Variants in CELF2 observed in about 807,000 individuals in gnomAD.
CELF2 encodes the protein CUG triplet repeat RNA-binding protein 2.
CELF2 carries 8 observed loss-of-function variants against 62.6 expected under a neutral mutation model. The observed-to-expected ratio is 0.13, with a 90% CI of 0.07 to 0.23. The LOEUF (loss-of-function observed/expected upper bound fraction) is 0.23. Among genes scored for constraint, CELF2 ranks in the 10% least tolerant of loss-of-function variants. The pLI is 1.00. For synonymous variants in CELF2, 258 were observed against 250.0 expected (o/e 1.03, Z -0.30); for missense variants, 333 against 671.0 (o/e 0.50, Z 5.56).
chr10:10,733,770 C>T, the CELF2 span, among the ~76,000 whole-genome samples: 3 of 152,084 alleles, frequency 2.0e-5, no homozygotes, highest in African/African-American at 7.2e-5. Context: ...GGGAACCACC[C>T]CCACAATTCA....
At chr10:10,856,789 G>A (rs956282793) in intron 1 of CELF2, among the ~76,000 whole-genome samples, 1 of 152,050 alleles carries the variant, frequency 6.6e-6, no homozygotes. Context: ...ATTCCCATTG[G>A]CTTTATAACA....
the CELF2 span, among the ~76,000 whole-genome samples, chr10:10,721,095 T>C: frequency 6.6e-6 from 1 of 152,264 alleles, no homozygotes. Context: ...GCTCAGAGAC[T>C]ATAAACATTT....
intron 2 of CELF2, among the ~76,000 whole-genome samples, chr10:10,958,149 G>T (rs986061382): frequency 6.6e-6 from 1 of 152,148 alleles, no homozygotes; most frequent in African/African-American, 2.4e-5. Context: ...GTGGATAAAG[G>T]GAATTTGACA....
At position 11,243,495 on chromosome 10, in the gene CELF2, G is replaced by T. The variant is rs1363311701; in HGVS notation, c.355-5658G>T. ...ACATCCCGTTTACTCCCATCAACAG[G>T]ATCTATTTCCAAAACTCATGCTCCT... On this transcript the variant is annotated intron_variant, in intron 3 of 12. Transcript: ENST00000633077. This position sits in a 1 kb window ranked among gnomAD's most constrained non-coding sequence, Gnocchi z 4.1. 6.6e-6 allele frequency among the ~76,000 whole-genome samples: 1 copy of T among 152,124 alleles called. No homozygotes were observed. The highest frequency in any genetic ancestry group is 1.9e-4 in the East Asian group (1 of 5,196).
the CELF2 span, among the ~76,000 whole-genome samples, chr10:10,651,240 A>G: frequency 2.3e-5 from 3 of 132,104 alleles, no homozygotes; most frequent in African/African-American, 5.5e-5. Flanking sequence ...AATCTCGCTG[A>G]TTGCTAGCAC....
chr10:10,837,489 C>T (rs974346640), intron 1 of CELF2, among the ~76,000 whole-genome samples: 2 of 152,170 alleles, frequency 1.3e-5, no homozygotes, highest in Admixed American at 1.3e-4. Flanking sequence ...TTTTCATCCT[C>T]AGAATTTTTA....
intron 4 of CELF2, among the ~76,000 whole-genome samples, chr10:11,251,163 AG>A (rs1565555110): frequency 1.3e-5 from 2 of 151,764 alleles, no homozygotes; most frequent in Non-Finnish European, 2.9e-5. Context: ...TCTATGGAAA[AG>A]GGTTTGTCTC....
rs531303960 is a variant in CELF2 at position 11,227,026 on chromosome 10, G to A, written c.354+9519G>A. ...CTGTCCTCGCCATTGCTCTGCTTCC[G>A]TGTTCCACAGACAGGGGAAGGGCAA... On this transcript the variant is annotated intron_variant, in intron 3 of 12. Coordinates refer to ENST00000633077, the MANE Select transcript of CELF2 (RefSeq NM_001326342.2). This position sits in a 1 kb window ranked among gnomAD's most constrained non-coding sequence, Gnocchi z 4.8. Among the ~76,000 whole-genome samples, 13 of 152,234 alleles carry A rather than the reference G, an allele frequency of 8.5e-5. No homozygotes were observed. The highest frequency in any genetic ancestry group is 1.2e-4 in the Non-Finnish European group (8 of 68,018).
In CELF2 at chr10:11,214,657, T is replaced by C. The variant is rs1300388330; in HGVS notation, c.272-2768T>C. 1.3e-5 allele frequency among the ~76,000 whole-genome samples: 2 copies of C among 152,190 alleles called. No homozygotes were observed. Among genetic ancestry groups the C allele is most frequent in the Non-Finnish European group, 2.9e-5 (2 of 68,038 alleles). ...GGGCTCAGCTCTTGGGTCGGACAGA[T>C]GAACGGTAAGGCACATTAGCAGTGT... On this transcript the variant is annotated intron_variant, in intron 2 of 12. Coordinates refer to ENST00000633077, the MANE Select transcript of CELF2 (RefSeq NM_001326342.2). The surrounding 1 kb of genome is among the most constrained non-coding windows in gnomAD (Gnocchi z 4.2).
chr10:10,659,236 T>A, the CELF2 span, among the ~76,000 whole-genome samples: 2 of 152,198 alleles, frequency 1.3e-5, no homozygotes, highest in Non-Finnish European at 2.9e-5. Context: ...TAAAGAGATG[T>A]GCCCCATGTA....
intron 2 of CELF2, among the ~76,000 whole-genome samples, chr10:10,925,428 G>T (rs2065370087): frequency 6.6e-6 from 1 of 151,856 alleles, no homozygotes; most frequent in South Asian, 2.1e-4. Context: ...TTGTCAGCTT[G>T]GCATACACTT....
At chr10:10,499,542 A>G in the CELF2 span, among the ~76,000 whole-genome samples, 2 of 151,858 alleles carry the variant, frequency 1.3e-5, no homozygotes, top group Non-Finnish European at 2.9e-5. Flanking sequence ...AAGAATGGCA[A>G]TGTGGAGCTT....
In CELF2 at chr10:10,997,563, G is replaced by GTT. The variant is rs1226185988; in HGVS notation, c.89+77566_89+77567dup. Among the ~76,000 whole-genome samples the GTT allele has an allele frequency of 6.6e-6, 1 of 152,204 alleles. No individual in the cohort carries two copies. Among genetic ancestry groups the GTT allele is most frequent in the African/African-American group, 2.4e-5 (1 of 41,448 alleles). The stretch of plus-strand genomic sequence containing the variant: ...CAAGTGCACCAAAGGTCATATTCAC[G>GTT]TTTGGATCCCAGATAATGGTCGAGT... On this transcript the variant is annotated intron_variant, in intron 2 of 13. Coordinates refer to the CELF2 transcript ENST00000636488. This position sits in a 1 kb window ranked among gnomAD's most constrained non-coding sequence, Gnocchi z 5.3.
intron 2 of CELF2, among the ~76,000 whole-genome samples, chr10:10,978,042 T>G (rs541401389): frequency 4.4e-5 from 6 of 136,712 alleles, no homozygotes; most frequent in East Asian, 2.1e-4. Context: ...TTGTTTTTTG[T>G]TTTTTTTTTT....
At position 11,010,738 on chromosome 10, in the gene CELF2, T is replaced by C. The variant is rs971726423; in HGVS notation, c.53+5298T>C. On this transcript the variant is annotated intron_variant, in intron 1 of 12. Transcript: ENST00000416382. The surrounding 1 kb of genome is among the most constrained non-coding windows in gnomAD (Gnocchi z 4.1). Reference sequence around the variant, plus strand: ...ATTTTAAAGACATTTCTTTCTCTGGTGCTGTGGTTCCACTGTAGACGTTGA... The same window carrying C: ...ATTTTAAAGACATTTCTTTCTCTGGCGCTGTGGTTCCACTGTAGACGTTGA... Among the ~76,000 whole-genome samples, 2 of 152,218 alleles carry C rather than the reference T, an allele frequency of 1.3e-5. No homozygotes were observed. The highest frequency in any genetic ancestry group is 2.9e-5 in the Non-Finnish European group (2 of 68,032).
chr10:10,830,842 A>G (rs1268342280), intron 1 of CELF2, among the ~76,000 whole-genome samples: 1 of 152,240 alleles, frequency 6.6e-6, no homozygotes, highest in African/African-American at 2.4e-5. Context: ...ACACAAATAT[A>G]TTACAAAACT....
intron 8 of CELF2, among the ~76,000 whole-genome samples, chr10:11,283,955 A>C (rs2090041991): frequency 1.6e-5 from 1 of 63,022 alleles, no homozygotes. Context: ...ATGAGGGATG[A>C]GTGTGTGGTG....
At chr10:10,793,662 A>G (rs969624482), upstream of CELF2, among the ~76,000 whole-genome samples, 6 of 152,226 alleles carry the variant, frequency 3.9e-5, no homozygotes, top group Admixed American at 3.9e-4. Flanking sequence ...CTAATTTTCC[A>G]TATTTGAAGA....
chr10:10,715,752 G>T, the CELF2 span, among the ~76,000 whole-genome samples: 1 of 152,122 alleles, frequency 6.6e-6, no homozygotes, highest in Non-Finnish European at 1.5e-5. Context: ...GCCATATAGG[G>T]TTGCTGTAAG....
Sources: allele counts gnomAD v4.1 joint callset (sites outside exome capture counted in the v4.1 genomes callset), GRCh38; gene constraint gnomAD v4.1.1; non-coding constraint Gnocchi (gnomAD v3.1); transcripts MANE v1.5; gene names NCBI Gene and HGNC (gene_info 2026-07-23, HGNC 2026-07-21).